NCK1: variants seen among roughly 807,000 people sequenced by gnomAD.
NCK1 encodes the protein NCK adaptor protein 1, also known as SH2/SH3 adapter protein NCK1.
Under a neutral mutation model 36.6 loss-of-function variants are expected in NCK1, and 19 were observed. The ratio of observed to expected loss-of-function variants is 0.52; its 90% CI spans 0.36 to 0.76. NCK1 has a LOEUF of 0.76. NCK1 is among the 30% of genes least tolerant of loss of function. NCK1 has a pLI of 0.00. For synonymous variants in NCK1, 165 were observed against 156.0 expected (o/e 1.06, Z -0.43); for missense variants, 358 against 445.6 (o/e 0.80, Z 1.77).
chr3:136,920,045 G>A (rs1940065031), intron 1 of NCK1, among the ~76,000 whole-genome samples: 1 of 152,120 alleles, frequency 6.6e-6, no homozygotes, highest in South Asian at 2.1e-4. Context: ...TGGATATGCT[G>A]TAAGTAATGC....
At chr3:136,940,864 A>G (rs1940653841) in intron 2 of NCK1, among the ~76,000 whole-genome samples, 1 of 152,084 alleles carries the variant, frequency 6.6e-6, no homozygotes, top group South Asian at 2.1e-4. Flanking sequence ...TGATATTTAT[A>G]TAGCCACCCC....
rs1265428239 is a variant in NCK1 at position 136,948,335 on chromosome 3, A to G, written c.1016A>G (p.Tyr339Cys). ...HFKVQLKETV[Y>C]CIGQRKFSTM... ...AAAGTCCAACTAAAAGAGACTGTCT[A>G]CTGCATTGGGCAGCGTAAATTCAGC... Residue 339 changes from tyrosine to cysteine, a missense_variant, in exon 4 of 4, where the codon TAC becomes TGC. Around this residue, in one of 3 missense-constraint regions of NCK1, gnomAD observed 207 missense variants for 253.4 expected, o/e 0.82. Coordinates refer to ENST00000481752, the MANE Select transcript of NCK1 (RefSeq NM_001291999.2). 4 of 1,612,950 alleles carry G rather than the reference A, an allele frequency of 2.5e-6. No individual in the cohort carries two copies. The highest frequency in any genetic ancestry group is 4.5e-5 in the East Asian group (2 of 44,852).
rs1161056731 is a variant in NCK1 at position 136,950,010 on chromosome 3, T to C, written c.*1557T>C. On this transcript the variant is annotated 3_prime_UTR_variant, in exon 4 of 4. Coordinates refer to ENST00000481752, the MANE Select transcript of NCK1 (RefSeq NM_001291999.2). Reference sequence around the variant, plus strand: ...TCTGCTTTTAAAACATTTTAGTTCATATTCTATTATTTTTCTAACTCAGTA... The same window carrying C: ...TCTGCTTTTAAAACATTTTAGTTCACATTCTATTATTTTTCTAACTCAGTA... Among the ~76,000 whole-genome samples the C allele has an allele frequency of 2.0e-5, 3 of 152,122 alleles. No homozygotes were observed. Among genetic ancestry groups the C allele is most frequent in the Non-Finnish European group, 4.4e-5 (3 of 67,960 alleles).
At chr3:136,868,397 G>A (rs775709249) in intron 1 of NCK1, among the ~76,000 whole-genome samples, 32 of 151,474 alleles carry the variant, frequency 2.1e-4, no homozygotes, top group Non-Finnish European at 3.7e-4. Flanking sequence ...GGGCAATCTC[G>A]GATCACTGTA....
intron 1 of NCK1, among the ~76,000 whole-genome samples, chr3:136,870,084 T>C (rs35760633): frequency 0.69 from 100,722 of 147,034 alleles, 34,803 homozygotes; most frequent in East Asian, 0.87. Context: ...CAGTGGCTCA[T>C]GCCTGTAATC....
chr3:136,943,299 G>A (rs746145509), intron 2 of NCK1, among the ~76,000 whole-genome samples: 15 of 152,142 alleles, frequency 9.9e-5, no homozygotes, highest in African/African-American at 2.4e-4. Flanking sequence ...GGATTTCTCT[G>A]AAGGCTATCA....
rs1940664801 is a variant in NCK1, at chr3:136,941,151, GGTCTCACTCTGTCACCCAGGCTGGA to G, written c.227-4429_227-4405del. 3.7e-5 allele frequency among the ~76,000 whole-genome samples: 5 copies of G among 135,230 alleles called. No homozygotes were observed. In the Admixed American group the frequency reaches 4.0e-4, roughly 11 times the overall value. The allele number at this position is 135,230 out of a possible 152,430, so 88.7% of individuals were successfully genotyped here. On this transcript the variant is annotated intron_variant, in intron 2 of 3. Coordinates refer to ENST00000481752, the MANE Select transcript of NCK1 (RefSeq NM_001291999.2). ...TTTTTTTTTGGAGGGTGGGGGTCAG[GGTCTCACTCTGTCACCCAGGCTGGA>G]GTGCAGTGGTGGAATCTCTGCTCAC...
chr3:136,948,428 T>C lies in NCK1; in HGVS notation c.1109T>C (p.Leu370Ser), dbSNP rs1322776386. Residue 370 changes from leucine to serine, a missense_variant, in exon 4 of 4, where the codon TTA (leucine) becomes TCA (serine). Coordinates refer to ENST00000481752, the MANE Select transcript of NCK1 (RefSeq NM_001291999.2). ...PIFTSEQGEK[L>S]YLVKHLS ...TTTACAAGTGAACAAGGAGAAAAAT[T>C]ATATCTTGTCAAGCATTTATCATGA... 1 of 1,612,334 alleles carries C rather than the reference T, an allele frequency of 6.2e-7. No individual in the cohort carries two copies. Among genetic ancestry groups the C allele is most frequent in the African/African-American group, 1.3e-5 (1 of 74,828 alleles).
intron 1 of NCK1, among the ~76,000 whole-genome samples, chr3:136,888,510 C>G (rs923461819): frequency 1.3e-5 from 2 of 151,742 alleles, no homozygotes; most frequent in African/African-American, 4.8e-5. Flanking sequence ...TTAAGTGATT[C>G]TCCTGCCTCA....
chr3:136,939,959 C>A (rs886088490), intron 2 of NCK1, among the ~76,000 whole-genome samples: 7 of 151,026 alleles, frequency 4.6e-5, no homozygotes, highest in Non-Finnish European at 1.5e-5. Flanking sequence ...TCAAGCAATC[C>A]TCCCAACTCA....
At chr3:136,878,420 A>G (rs1938834720) in intron 1 of NCK1, among the ~76,000 whole-genome samples, 1 of 152,120 alleles carries the variant, frequency 6.6e-6, no homozygotes, top group Non-Finnish European at 1.5e-5. Flanking sequence ...AAAACAAACA[A>G]ACAAATGTGC....
intron 2 of NCK1, 29 bp from the exon 3 acceptor site, chr3:136,945,554 C>G: frequency 1.4e-4 from 185 of 1,356,460 alleles, no homozygotes; most frequent in Non-Finnish European, 1.7e-4. Flanking sequence ...TTTATATTCT[C>G]CTCTCATGGC....
chr3:136,899,673 AAAT>A (rs1393116695), intron 1 of NCK1: 38 of 742,512 alleles, frequency 5.1e-5, no homozygotes, highest in Non-Finnish European at 5.0e-6. Context: ...ATCCAAATCT[AAAT>A]AATCACTGGC....
chr3:136,870,641 AAATCAGTTACTTTATT>A (rs995095011), intron 1 of NCK1, among the ~76,000 whole-genome samples: 1 of 150,220 alleles, frequency 6.7e-6, no homozygotes, highest in African/African-American at 2.4e-5. Flanking sequence ...CTGCCCAAGG[AAATCAGTTACTTTATT>A]TTTTCTTTTC....
chr3:136,888,119 AT>A (rs112492704), intron 1 of NCK1, among the ~76,000 whole-genome samples: 5 of 151,244 alleles, frequency 3.3e-5, no homozygotes, highest in African/African-American at 9.7e-5. Context: ...TAATTTTTGT[AT>A]TTTTAGTAGA....
At chr3:136,917,627 T>C (rs971766648) in intron 1 of NCK1, among the ~76,000 whole-genome samples, 1 of 152,214 alleles carries the variant, frequency 6.6e-6, no homozygotes, top group Non-Finnish European at 1.5e-5. Flanking sequence ...TTTCCTGTCA[T>C]GCCTCTGGTT....
At chr3:136,944,561 A>C (rs947640080) in intron 2 of NCK1, among the ~76,000 whole-genome samples, 29 of 152,338 alleles carry the variant, frequency 1.9e-4, no homozygotes, top group Admixed American at 1.3e-4. Flanking sequence ...AGTAGAAAAG[A>C]TATGAGTGTG....
chr3:136,942,927 C>G (rs1174706920), intron 2 of NCK1, among the ~76,000 whole-genome samples: 2 of 152,188 alleles, frequency 1.3e-5, no homozygotes, highest in Non-Finnish European at 2.9e-5. Context: ...CTTCAGGGAG[C>G]TGCCAGACAA....
intron 1 of NCK1, among the ~76,000 whole-genome samples, chr3:136,868,574 T>C (rs1216272948): frequency 6.6e-6 from 1 of 152,186 alleles, no homozygotes; most frequent in Non-Finnish European, 1.5e-5. Context: ...TTAATCAGCC[T>C]GCTTTGGCCT....
Sources: gnomAD v4.1 joint callset for allele counts (sites outside exome capture counted in the v4.1 genomes callset) on GRCh38, gnomAD v4.1.1 for gene constraint, gnomAD v4.1.1 regional missense constraint, MANE v1.5 for transcripts, NCBI Gene and HGNC (gene_info 2026-07-23, HGNC 2026-07-21) for gene names.